The following C2orf92 variants were observed in gnomAD, a reference collection of about 807,000 sequenced individuals.
C2orf92 encodes the protein chromosome 2 open reading frame 92, also known as uncharacterized protein C2orf92.
chr2:97,673,317 T>C (rs536787900), intron 1 of C2orf92, among the ~76,000 whole-genome samples: 1 of 152,126 alleles, frequency 6.6e-6, no homozygotes, highest in Non-Finnish European at 1.5e-5. Context: ...GTGTGAGTCA[T>C]GTGTGATCTT....
intron 3 of C2orf92, among the ~76,000 whole-genome samples, chr2:97,685,809 C>T (rs1484124973): frequency 6.6e-6 from 1 of 152,158 alleles, no homozygotes; most frequent in Non-Finnish European, 1.5e-5. Flanking sequence ...GTGATCTGCC[C>T]TCCTCGGCCT....
chr2:97,688,804 C>T (rs1179905127), intron 3 of C2orf92, 91 bp from the exon 4 acceptor site: 19 of 397,610 alleles, frequency 4.8e-5, no homozygotes, highest in Non-Finnish European at 4.9e-5. Flanking sequence ...CATGTATTCA[C>T]TGTATTCATA....
At chr2:97,692,407 C>CT (rs755849117) in intron 5 of C2orf92, among the ~76,000 whole-genome samples, 5,606 of 119,364 alleles carry the variant, frequency 0.047, 264 homozygotes, top group African/African-American at 0.072. Flanking sequence ...AGTTTTACTT[C>CT]TTTTTTTTTT....
intron 3 of C2orf92, among the ~76,000 whole-genome samples, chr2:97,683,076 C>CCACACACA (rs760650490): frequency 0.11 from 15,448 of 143,100 alleles, 923 homozygotes; most frequent in Non-Finnish European, 0.13. Flanking sequence ...CATATAGACT[C>CCACACACA]CACACACACA....
chr2:97,686,969 G>T (rs1389661077), intron 3 of C2orf92, among the ~76,000 whole-genome samples: 1 of 151,888 alleles, frequency 6.6e-6, no homozygotes. Context: ...AGTGAGCTGA[G>T]ACTGCACCAC....
At chr2:97,666,468 C>T (rs941614451), upstream of C2orf92, among the ~76,000 whole-genome samples, 3 of 131,398 alleles carry the variant, frequency 2.3e-5, no homozygotes, top group Non-Finnish European at 4.6e-5. Context: ...ACCCAGGAGG[C>T]GGAGGTTGCA....
intron 5 of C2orf92, among the ~76,000 whole-genome samples, chr2:97,692,041 A>G (rs1299278516): frequency 1.3e-5 from 2 of 152,210 alleles, no homozygotes; most frequent in Admixed American, 6.5e-5. Context: ...CAACTTGTCT[A>G]ACTTCATCAA....
intron 6 of C2orf92, among the ~76,000 whole-genome samples, chr2:97,699,654 C>T (rs1383084289): frequency 6.6e-6 from 1 of 152,074 alleles, no homozygotes; most frequent in Non-Finnish European, 1.5e-5. Context: ...TTTCACCACT[C>T]TTCCAAAAAG....
chr2:97,691,601 A>C (rs1157822122), intron 5 of C2orf92, among the ~76,000 whole-genome samples: 2 of 152,236 alleles, frequency 1.3e-5, no homozygotes, highest in African/African-American at 4.8e-5. Context: ...GTCACTGTCC[A>C]AGCTGGTAAA....
intron 5 of C2orf92, chr2:97,691,255 A>T (rs1676126682): frequency 6.6e-6 from 1 of 152,408 alleles, no homozygotes; most frequent in African/African-American, 2.4e-5. Context: ...TATTCTCTGC[A>T]GGCAGACGGA....
At chr2:97,667,861 T>C (rs1675286113), upstream of C2orf92, 1 of 152,132 alleles carries the variant, frequency 6.6e-6, no homozygotes, top group Non-Finnish European at 1.5e-5. Context: ...ATAAACATCA[T>C]TGTTTTTTTA....
intron 5 of C2orf92, among the ~76,000 whole-genome samples, chr2:97,694,046 A>G (rs1034355683): frequency 2.6e-5 from 4 of 151,982 alleles, no homozygotes; most frequent in African/African-American, 4.8e-5. Context: ...AAAACTCTAT[A>G]CTCATTAAAT....
Position 97,699,154 on chromosome 2 carries a change from C to A in C2orf92, c.514+18C>A. 1 of 398,504 alleles carries A rather than the reference C, an allele frequency of 2.5e-6. No individual in the cohort carries two copies. Among genetic ancestry groups the A allele is most frequent in the South Asian group, 1.3e-4 (1 of 7,852 alleles). The allele number at this position is 398,504 out of a possible 1,614,324, so 24.7% of individuals were successfully genotyped here. ...TAAACCAGGTGGGAATCTATATGGC[C>A]TATAAACTAAGTATGATGCTTAAAT... On this transcript the variant is annotated intron_variant, in intron 6 of 7. Coordinates refer to ENST00000627399, the MANE Select transcript of C2orf92 (RefSeq NM_001351368.2).
upstream of C2orf92, among the ~76,000 whole-genome samples, chr2:97,664,985 G>T (rs947364495): frequency 6.6e-6 from 1 of 152,180 alleles, no homozygotes; most frequent in African/African-American, 2.4e-5. Flanking sequence ...CTGTGCCTGC[G>T]GAGCACTTCT....
At chr2:97,701,086 G>A in intron 6 of C2orf92, 68 bp from the exon 7 acceptor site, 1 of 397,142 alleles carries the variant, frequency 2.5e-6, no homozygotes, top group Non-Finnish European at 4.4e-6. Flanking sequence ...TCCCTTGCAG[G>A]CTTAGTCCTG....
chr2:97,689,317 C>A (rs1277326988), intron 4 of C2orf92, among the ~76,000 whole-genome samples: 5 of 152,168 alleles, frequency 3.3e-5, no homozygotes, highest in African/African-American at 1.2e-4. Flanking sequence ...ACAACAGGAG[C>A]CCCCAGCAGC....
At chr2:97,690,697 C>T (rs1333637333) in intron 5 of C2orf92, among the ~76,000 whole-genome samples, 2 of 148,884 alleles carry the variant, frequency 1.3e-5, no homozygotes, top group African/African-American at 5.0e-5. Context: ...TTTCCTTTTA[C>T]CTGACCTGAG....
intron 3 of C2orf92, among the ~76,000 whole-genome samples, chr2:97,682,592 C>T (rs1019712340): frequency 2.0e-5 from 3 of 152,042 alleles, no homozygotes; most frequent in African/African-American, 7.2e-5. Flanking sequence ...AACCAATAGC[C>T]TATTAAAAGG....
At position 97,676,737 on chromosome 2, in the gene C2orf92, A is replaced by T. The variant is rs531815202; in HGVS notation, c.232+809A>T. On this transcript the variant is annotated intron_variant, in intron 3 of 7. Transcript: ENST00000627399. ...CCATGAGCTATGATTGTGCCACTGT[A>T]CTCCAGCCTGGGCATCAGAGCTGTA... Among the ~76,000 whole-genome samples the T allele has an allele frequency of 1.3e-4, 20 of 151,926 alleles. 1 individual carries two copies. The East Asian group carries it at 3.9e-3, about 29-fold the overall frequency.
Sources: gnomAD v4.1 joint callset for allele counts (sites outside exome capture counted in the v4.1 genomes callset) on GRCh38, gnomAD v4.1.1 for gene constraint, MANE v1.5 for transcripts, NCBI Gene and HGNC (gene_info 2026-07-23, HGNC 2026-07-21) for gene names.